Variants in EYS observed in about 807,000 individuals in gnomAD.
The protein encoded by EYS is protein eyes shut homolog.
EYS carries 250 observed loss-of-function variants against 282.1 expected under a neutral mutation model. The observed-to-expected ratio is 0.89, with a 90% confidence interval of 0.80 to 0.98. The LOEUF is 0.98. EYS is among the 50% of genes least tolerant of loss of function. The pLI is 0.00. For synonymous variants in EYS, 1,355 were observed against 1,282.9 expected (o/e 1.06, Z -1.20); for missense variants, 4,016 against 3,709.0 (o/e 1.08, Z -2.15).
chr6:65,123,826 G>T (rs756323738), intron 12 of EYS, among the ~76,000 whole-genome samples: 3 of 150,698 alleles, frequency 2.0e-5, no homozygotes, highest in Non-Finnish European at 4.4e-5. Context: ...ATCATATTTC[G>T]CCAAGAATTT....
At chr6:64,701,048 G>T (rs984377499) in intron 22 of EYS, among the ~76,000 whole-genome samples, 2 of 151,858 alleles carry the variant, frequency 1.3e-5, no homozygotes, top group Non-Finnish European at 2.9e-5. Flanking sequence ...ACAGAATAAA[G>T]AACCCAGAAA....
intron 22 of EYS, among the ~76,000 whole-genome samples, chr6:64,744,125 AT>A (rs2149963475): frequency 6.6e-6 from 1 of 152,284 alleles, no homozygotes; most frequent in African/African-American, 2.4e-5. Flanking sequence ...TGTTTCTAAT[AT>A]TTAAAAAAAG....
At chr6:65,652,900 C>G (rs146943774) in intron 1 of EYS, among the ~76,000 whole-genome samples, 190 of 152,032 alleles carry the variant, frequency 1.2e-3, no homozygotes, top group African/African-American at 4.3e-3. Flanking sequence ...TTTTCCATAA[C>G]AGGACTGTAA....
At chr6:64,808,907 A>T (rs1434705046) in intron 22 of EYS, among the ~76,000 whole-genome samples, 1 of 152,092 alleles carries the variant, frequency 6.6e-6, no homozygotes, top group Admixed American at 6.6e-5. Flanking sequence ...GAGGTCCAAT[A>T]CTCAAAATTT....
intron 22 of EYS, among the ~76,000 whole-genome samples, chr6:64,667,154 A>G (rs1016285311): frequency 1.3e-5 from 2 of 150,230 alleles, no homozygotes; most frequent in African/African-American, 4.9e-5. Context: ...GTGTAAGAGC[A>G]CAGAGAACTT....
intron 24 of EYS, among the ~76,000 whole-genome samples, chr6:64,612,142 T>C (rs986446256): frequency 4.6e-5 from 7 of 152,118 alleles, no homozygotes; most frequent in Non-Finnish European, 8.8e-5. Flanking sequence ...ACACCACAAA[T>C]AGGCTGTCCT....
At chr6:64,676,036 A>G (rs1483895624) in intron 22 of EYS, among the ~76,000 whole-genome samples, 1 of 149,314 alleles carries the variant, frequency 6.7e-6, no homozygotes, top group Non-Finnish European at 1.5e-5. Context: ...ATATATATAG[A>G]TATACATATC....
chr6:65,495,756 C>T (rs1391588482), intron 3 of EYS, 103 bp downstream of exon 3: 1 of 329,506 alleles, frequency 3.0e-6, no homozygotes, highest in African/African-American at 2.1e-5. Flanking sequence ...GGAAAGAAGG[C>T]CAAGAAAAAC....
intron 22 of EYS, among the ~76,000 whole-genome samples, chr6:64,736,332 T>G (rs746268605): frequency 1.3e-5 from 2 of 152,154 alleles, no homozygotes; most frequent in Admixed American, 1.3e-4. Flanking sequence ...TATTTTTGAG[T>G]ATTGAATGAA....
chr6:64,065,532 C>A (rs1035145313), intron 33 of EYS, among the ~76,000 whole-genome samples: 1 of 152,152 alleles, frequency 6.6e-6, no homozygotes, highest in Non-Finnish European at 1.5e-5. Flanking sequence ...AATTCAAAGA[C>A]TGATTTCCAA....
chr6:64,893,463 T>C (rs1336096661), intron 18 of EYS, among the ~76,000 whole-genome samples: 1 of 152,090 alleles, frequency 6.6e-6, no homozygotes, highest in Non-Finnish European at 1.5e-5. Context: ...TATAAAATTA[T>C]TGCTTTTAAA....
chr6:64,333,957 T>C (rs1004787916), intron 29 of EYS, among the ~76,000 whole-genome samples: 1 of 152,202 alleles, frequency 6.6e-6, no homozygotes, highest in African/African-American at 2.4e-5. Context: ...CTTGCCCGAA[T>C]TTGCTACAAA....
chr6:65,003,389 C>T lies in EYS; in HGVS notation c.2138-5686G>A, dbSNP rs919756821. ...TTGGTCAGACCGGTTGCTCTCAAAA[C>T]CCTGTCTCCTGATAAGATGTTATCA... On this transcript the variant is annotated intron_variant, in intron 13 of 42. Coordinates refer to ENST00000503581, the MANE Select transcript of EYS (RefSeq NM_001142800.2). Among the ~76,000 whole-genome samples the T allele has an allele frequency of 1.3e-4, 19 of 146,912 alleles. 4 individuals are homozygous for T. Among genetic ancestry groups the T allele is most frequent in the Non-Finnish European group, 2.1e-4 (14 of 65,814 alleles).
intron 33 of EYS, among the ~76,000 whole-genome samples, chr6:64,025,782 C>T (rs542690363): frequency 5.7e-4 from 87 of 152,300 alleles, no homozygotes; most frequent in African/African-American, 2.0e-3. Context: ...AGGTGTCACT[C>T]TTCCAACCCT....
chr6:65,588,048 T>C (rs1216341932), intron 2 of EYS, among the ~76,000 whole-genome samples: 2 of 152,040 alleles, frequency 1.3e-5, no homozygotes, highest in Non-Finnish European at 2.9e-5. Flanking sequence ...GTATTAAGAT[T>C]TACTATTAGA....
chr6:65,557,017 A>G (rs1179910225), intron 2 of EYS, among the ~76,000 whole-genome samples: 2 of 152,238 alleles, frequency 1.3e-5, no homozygotes, highest in Admixed American at 6.5e-5. Context: ...CTGTTTTGAA[A>G]TCAATATAAA....
chr6:64,707,651 T>C (rs1771075036), intron 22 of EYS, among the ~76,000 whole-genome samples: 2 of 112,820 alleles, frequency 1.8e-5, no homozygotes, highest in South Asian at 3.0e-4. Context: ...GGCGACAGAG[T>C]GAGACTCGTA....
At chr6:63,758,669 C>T (rs753734368) in intron 41 of EYS, among the ~76,000 whole-genome samples, 3 of 151,990 alleles carry the variant, frequency 2.0e-5, no homozygotes, top group Admixed American at 6.6e-5. Flanking sequence ...CTAGAAGGCT[C>T]GCTTTTCTAT....
intron 5 of EYS, among the ~76,000 whole-genome samples, chr6:65,432,478 G>A (rs941699034): frequency 3.3e-5 from 5 of 152,030 alleles, no homozygotes; most frequent in African/African-American, 1.2e-4. Flanking sequence ...AAGAGGGTGG[G>A]GTTGCTCAGG....
Sources: gnomAD v4.1 joint callset for allele counts (sites outside exome capture counted in the v4.1 genomes callset) on GRCh38, gnomAD v4.1.1 for gene constraint, MANE v1.5 for transcripts, NCBI Gene and HGNC (gene_info 2026-07-23, HGNC 2026-07-21) for gene names.